Variants in SMARCC1 observed in about 807,000 individuals in gnomAD.
The protein encoded by SMARCC1 is SWI/SNF complex subunit SMARCC1.
SMARCC1 carries 43 observed loss-of-function variants against 147.4 expected under a neutral mutation model. That is an observed-to-expected ratio of 0.29 (90% CI 0.23 to 0.38). SMARCC1 has a LOEUF of 0.38. SMARCC1 is among the 10% of genes least tolerant of loss of function. SMARCC1 has a pLI of 1.00. For synonymous variants in SMARCC1, 495 were observed against 484.4 expected (o/e 1.02, Z -0.29); for missense variants, 1,119 against 1,381.1 (o/e 0.81, Z 3.01).
At chr3:47,739,886 T>G (rs1011866183) in intron 3 of SMARCC1, among the ~76,000 whole-genome samples, 3 of 152,170 alleles carry the variant, frequency 2.0e-5, no homozygotes, top group Non-Finnish European at 2.9e-5. Context: ...TTTCATGTTG[T>G]TGTTGTTTTA....
At chr3:47,704,722 G>A (rs2033970541) in intron 10 of SMARCC1, among the ~76,000 whole-genome samples, 1 of 151,862 alleles carries the variant, frequency 6.6e-6, no homozygotes, top group African/African-American at 2.4e-5. Flanking sequence ...TTGGAGACCA[G>A]TGTGGGTAAC....
intron 11 of SMARCC1, among the ~76,000 whole-genome samples, chr3:47,700,508 G>A (rs772164174): frequency 4.6e-5 from 7 of 151,994 alleles, no homozygotes; most frequent in Non-Finnish European, 8.8e-5. Context: ...AACATTTTGG[G>A]TTGTTTTTTG....
At chr3:47,781,542 C>G in intron 1 of SMARCC1, 61 bp downstream of exon 1, 1 of 1,286,566 alleles carries the variant, frequency 7.8e-7, no homozygotes, top group Non-Finnish European at 1.0e-6. Context: ...CCCGCGAGGC[C>G]AGCTGCCGCC....
At chr3:47,668,369 G>A (rs765795828) in intron 19 of SMARCC1, among the ~76,000 whole-genome samples, 5 of 151,992 alleles carry the variant, frequency 3.3e-5, no homozygotes, top group Non-Finnish European at 5.9e-5. Context: ...TTTTTAAAAC[G>A]TTAATATAAA....
At chr3:47,689,446 T>C (rs1482705367) in intron 12 of SMARCC1, 22 bp from the exon 13 acceptor site, 1 of 1,605,470 alleles carries the variant, frequency 6.2e-7, no homozygotes, top group Non-Finnish European at 8.5e-7. Flanking sequence ...AAACACACAA[T>C]TCATTTTAAA....
chr3:47,662,321 G>A lies in SMARCC1; in HGVS notation c.2158+13C>T, dbSNP rs1168557637. On this transcript the variant is annotated intron_variant, in intron 20 of 27. Transcript: ENST00000254480. ...GTTTTTCTGTTGAGGAGATGGTTTA[G>A]GGAAGTCCATACCCAAAGCCGCTTT... The A allele has an allele frequency of 3.1e-6, 5 of 1,611,916 alleles. No individual in the cohort carries two copies. The Admixed American group carries it at 8.4e-5, about 27-fold the overall frequency.
At chr3:47,779,600 T>C (rs989066486) in intron 1 of SMARCC1, among the ~76,000 whole-genome samples, 21 of 152,306 alleles carry the variant, frequency 1.4e-4, no homozygotes, top group African/African-American at 4.6e-4. Context: ...ATTAGCCTAG[T>C]GGTCTCAATA....
At chr3:47,691,602 G>T (rs189920330) in intron 12 of SMARCC1, among the ~76,000 whole-genome samples, 3 of 152,172 alleles carry the variant, frequency 2.0e-5, no homozygotes, top group African/African-American at 7.2e-5. Context: ...TGACAAGAGC[G>T]AGACTTTGTC....
At chr3:47,704,187 AT>A (rs561964494) in intron 10 of SMARCC1, among the ~76,000 whole-genome samples, 57 of 152,270 alleles carry the variant, frequency 3.7e-4, no homozygotes, top group African/African-American at 1.3e-3. Flanking sequence ...CTGCATGATG[AT>A]TTTTTTAAAA....
intron 21 of SMARCC1, among the ~76,000 whole-genome samples, chr3:47,649,479 G>C (rs2033159207): frequency 1.3e-5 from 2 of 152,250 alleles, no homozygotes; most frequent in African/African-American, 4.8e-5. Context: ...CCATTAGTTG[G>C]GTTCTTTAAC....
At chr3:47,739,131 T>C (rs1372257082) in intron 3 of SMARCC1, among the ~76,000 whole-genome samples, 2 of 152,132 alleles carry the variant, frequency 1.3e-5, no homozygotes, top group African/African-American at 2.4e-5. Flanking sequence ...AGGACAGGAG[T>C]AGAGCTTAGT....
At chr3:47,662,655 A>C in intron 19 of SMARCC1, 63 bp from the exon 20 acceptor site, 4 of 1,377,400 alleles carry the variant, frequency 2.9e-6, no homozygotes, top group Non-Finnish European at 4.0e-6. Context: ...TAATATTAGA[A>C]GTTCTTTAGA....
intron 19 of SMARCC1, among the ~76,000 whole-genome samples, chr3:47,665,007 T>C (rs2033404088): frequency 6.6e-6 from 1 of 151,112 alleles, no homozygotes; most frequent in Non-Finnish European, 1.5e-5. Flanking sequence ...TTTTTTTTTC[T>C]TAATTTTTAG....
intron 5 of SMARCC1, among the ~76,000 whole-genome samples, chr3:47,731,567 A>C (rs2034375192): frequency 1.3e-5 from 2 of 152,210 alleles, no homozygotes; most frequent in Non-Finnish European, 2.9e-5. Flanking sequence ...CTATCTTTAC[A>C]AAATGTATTT....
chr3:47,693,165 G>T (rs916701982), intron 12 of SMARCC1, 76 bp downstream of exon 12: 11 of 889,442 alleles, frequency 1.2e-5, no homozygotes, highest in African/African-American at 5.0e-5. Context: ...CAAGACCTTG[G>T]AAGAATAGAC....
intron 9 of SMARCC1, 27 bp downstream of exon 9, chr3:47,710,656 G>A: frequency 1.2e-6 from 2 of 1,609,488 alleles, no homozygotes; most frequent in South Asian, 1.1e-5. Flanking sequence ...CAGACTTAAT[G>A]ATGAGAAACT....
chr3:47,678,440 T>A, intron 15 of SMARCC1, 129 bp from the exon 16 acceptor site: 1 of 489,706 alleles, frequency 2.0e-6, no homozygotes. Context: ...ATAAAAAACA[T>A]TGATATTATA....
chr3:47,681,996 TTACA>T (rs2033650204), intron 14 of SMARCC1, among the ~76,000 whole-genome samples: 1 of 152,136 alleles, frequency 6.6e-6, no homozygotes, highest in Non-Finnish European at 1.5e-5. Flanking sequence ...AACTATAATC[TTACA>T]TAGTTATTTA....
intron 21 of SMARCC1, among the ~76,000 whole-genome samples, chr3:47,659,848 A>T (rs2033319556): frequency 6.6e-6 from 1 of 151,180 alleles, no homozygotes; most frequent in Non-Finnish European, 1.5e-5. Flanking sequence ...ATGATTAGTC[A>T]TCAATGCAAA....
Sources: allele counts gnomAD v4.1 joint callset (sites outside exome capture counted in the v4.1 genomes callset), GRCh38; gene constraint gnomAD v4.1.1; transcripts MANE v1.5; gene names NCBI Gene and HGNC (gene_info 2026-07-23, HGNC 2026-07-21).